Variants in MMP16 observed in about 807,000 individuals in gnomAD.
The protein encoded by MMP16 is matrix metalloproteinase-16.
Under a neutral mutation model 67.8 loss-of-function variants are expected in MMP16, and 12 were observed. The observed-to-expected ratio is 0.18, with a 90% confidence interval of 0.11 to 0.29. The LOEUF (loss-of-function observed/expected upper bound fraction) is 0.29. Ranked by LOEUF, MMP16 falls within the 10% of genes least tolerant of loss-of-function variation. The pLI is 1.00. For synonymous variants in MMP16, 249 were observed against 255.9 expected, an observed-to-expected ratio of 0.97 and a Z score of 0.26; for missense variants, 475 against 765.7, an observed-to-expected ratio of 0.62 and a Z score of 4.48.
At chr8:88,120,662 C>T (rs1807815190) in intron 4 of MMP16, among the ~76,000 whole-genome samples, 1 of 151,858 alleles carries the variant, frequency 6.6e-6, no homozygotes, top group Admixed American at 6.6e-5. Flanking sequence ...CAGCAGAAAA[C>T]TCAGGAATTG....
At chr8:88,172,404 CA>C (rs1808818367) in intron 3 of MMP16, among the ~76,000 whole-genome samples, 1 of 151,968 alleles carries the variant, frequency 6.6e-6, no homozygotes, top group Non-Finnish European at 1.5e-5. Flanking sequence ...TAGGTGCAAA[CA>C]AAAACAAGAG....
intron 4 of MMP16, among the ~76,000 whole-genome samples, chr8:88,159,830 T>C (rs1386773669): frequency 6.6e-6 from 1 of 152,170 alleles, no homozygotes; most frequent in Admixed American, 6.6e-5. Context: ...TTTTGAGAGT[T>C]TTTAGCATGA....
intron 1 of MMP16, among the ~76,000 whole-genome samples, chr8:88,235,999 C>A (rs2129885395): frequency 6.6e-6 from 1 of 152,246 alleles, no homozygotes; most frequent in Non-Finnish European, 1.5e-5. Flanking sequence ...GCATAGGTGT[C>A]TTTACTCACA....
chr8:88,205,297 G>A (rs1230991530), intron 1 of MMP16, among the ~76,000 whole-genome samples: 1 of 152,150 alleles, frequency 6.6e-6, no homozygotes, highest in East Asian at 1.9e-4. Flanking sequence ...CTTTTAGAGA[G>A]AGGAGACCCA....
At chr8:88,285,063 T>G (rs1810805832) in intron 1 of MMP16, among the ~76,000 whole-genome samples, 1 of 152,220 alleles carries the variant, frequency 6.6e-6, no homozygotes, top group African/African-American at 2.4e-5. Context: ...GTACCTCATT[T>G]ATTTGTCCAT....
At chr8:88,091,794 G>C (rs1808942465) in intron 6 of MMP16, among the ~76,000 whole-genome samples, 1 of 151,780 alleles carries the variant, frequency 6.6e-6, no homozygotes. Flanking sequence ...TTAAATTTAA[G>C]TTAACTAAAT....
chr8:88,136,783 G>A (rs1339569973), intron 4 of MMP16, among the ~76,000 whole-genome samples: 4 of 151,624 alleles, frequency 2.6e-5, no homozygotes, highest in African/African-American at 9.7e-5. Flanking sequence ...TATTGGAGTT[G>A]TTCTGGTTTG....
At chr8:88,226,876 G>GTATT (rs33911567) in intron 1 of MMP16, among the ~76,000 whole-genome samples, 7,924 of 148,406 alleles carry the variant, frequency 0.053, 480 homozygotes, top group African/African-American at 0.15. Context: ...CAGCCTACAC[G>GTATT]TATTTATTTA....
chr8:88,043,199 T>C (rs1387977582), intron 9 of MMP16, among the ~76,000 whole-genome samples: 1 of 152,190 alleles, frequency 6.6e-6, no homozygotes, highest in East Asian at 1.9e-4. Flanking sequence ...CATGCTCATG[T>C]TCTGGTGAAC....
chr8:88,148,240 C>T (rs1431182575), intron 4 of MMP16, among the ~76,000 whole-genome samples: 4 of 152,066 alleles, frequency 2.6e-5, no homozygotes, highest in Non-Finnish European at 5.9e-5. Flanking sequence ...TTTTTAAAGA[C>T]ATCCTGCATT....
chr8:88,295,672 A>G (rs959558992), intron 1 of MMP16, among the ~76,000 whole-genome samples: 7 of 152,160 alleles, frequency 4.6e-5, no homozygotes, highest in African/African-American at 1.7e-4. Context: ...GCTCAAATCT[A>G]ATAAACATGG....
chr8:88,116,360 T>C, intron 6 of MMP16, 147 bp downstream of exon 6: 1 of 683,126 alleles, frequency 1.5e-6, no homozygotes, highest in Non-Finnish European at 2.4e-6. Context: ...AGCCCATTTG[T>C]GCATTTATTT....
chr8:88,105,374 C>T (rs963582004), intron 6 of MMP16, among the ~76,000 whole-genome samples: 1 of 151,376 alleles, frequency 6.6e-6, no homozygotes, highest in African/African-American at 2.4e-5. Context: ...TGCACATTCT[C>T]CTGTTTGTTG....
chr8:88,290,457 G>T (rs1586002441), intron 1 of MMP16, among the ~76,000 whole-genome samples: 1 of 152,122 alleles, frequency 6.6e-6, no homozygotes, highest in East Asian at 1.9e-4. Flanking sequence ...GGAGGCTGAG[G>T]CAGGAGAATG....
At chr8:88,183,144 C>G (rs1809008196) in intron 3 of MMP16, among the ~76,000 whole-genome samples, 1 of 152,108 alleles carries the variant, frequency 6.6e-6, no homozygotes, top group African/African-American at 2.4e-5. Context: ...AGATAAATGA[C>G]ATTATACACT....
chr8:88,192,137 T>A (rs1466488318), intron 2 of MMP16, among the ~76,000 whole-genome samples: 1 of 152,152 alleles, frequency 6.6e-6, no homozygotes, highest in Non-Finnish European at 1.5e-5. Context: ...AATATACTTA[T>A]TTTAATTACT....
chr8:88,292,834 C>T (rs28986492), intron 1 of MMP16, among the ~76,000 whole-genome samples: 1,629 of 152,142 alleles, frequency 0.011, 30 homozygotes, highest in African/African-American at 0.037. Context: ...TAACAAAAAC[C>T]TATAAGCCTC....
At chr8:88,216,876 A>AT (rs2129833709) in intron 1 of MMP16, among the ~76,000 whole-genome samples, 1 of 152,174 alleles carries the variant, frequency 6.6e-6, no homozygotes, top group Admixed American at 6.5e-5. Flanking sequence ...AATAATAACA[A>AT]TTTTATTGGA....
Position 88,118,681 on chromosome 8 carries a change from T to G in MMP16, c.871+19A>C. 6.2e-7 allele frequency: 1 copy of G among 1,606,456 alleles called. No individual in the cohort carries two copies. Among genetic ancestry groups the G allele is most frequent in the Admixed American group, 1.7e-5 (1 of 59,092 alleles). On this transcript the variant is annotated intron_variant, in intron 5 of 9. Coordinates refer to ENST00000286614, the MANE Select transcript of MMP16 (RefSeq NM_005941.5). ...GACTTCACTATCGGATTAAGCAAAT[T>G]GAAACAGTAGTAACCTACCATATAT...
Sources: gnomAD v4.1 joint callset for allele counts (sites outside exome capture counted in the v4.1 genomes callset) on GRCh38, gnomAD v4.1.1 for gene constraint, MANE v1.5 for transcripts, NCBI Gene and HGNC (gene_info 2026-07-23, HGNC 2026-07-21) for gene names.